The following TMEM70 variants were observed in gnomAD, a reference collection of about 807,000 sequenced individuals.
TMEM70 encodes transmembrane protein 70, mitochondrial.
TMEM70 carries 15 observed loss-of-function variants against 20.5 expected under a neutral mutation model. The observed-to-expected ratio is 0.73, with a 90% CI of 0.49 to 1.13. The LOEUF is 1.13. TMEM70 is among the 50% of genes most tolerant of loss of function. The pLI is 0.00. For missense variants in TMEM70, 344 were observed against 331.7 expected, an observed-to-expected ratio of 1.04 and a Z score of -0.29; for synonymous variants, 141 against 134.2, an observed-to-expected ratio of 1.05 and a Z score of -0.35.
chr8:73,976,536 G>A (rs1446683055), intron 1 of TMEM70, 45 bp downstream of exon 1: 13 of 1,465,980 alleles, frequency 8.9e-6, no homozygotes, highest in Non-Finnish European at 1.1e-5. Flanking sequence ...CGGGGAGGGC[G>A]GGCGTCGTGT....
rs1489519962 is a variant in TMEM70, at chr8:73,981,932, A to T, written c.*311A>T. On this transcript the variant is annotated 3_prime_UTR_variant, in exon 3 of 3. Transcript: ENST00000312184. The stretch of plus-strand genomic sequence containing the variant: ...CAGTAGCAAATGGGAGAGTTGCTTT[A>T]TTCTTTGTGTATGGATTTTTCTAAG... 1 of 513,128 alleles carries T rather than the reference A, an allele frequency of 1.9e-6. No homozygotes were observed. The highest frequency in any genetic ancestry group is 3.7e-6 in the Non-Finnish European group (1 of 266,742). The allele number at this position is 513,128 out of a possible 1,614,324, so 31.8% of individuals were successfully genotyped here.
intron 2 of TMEM70, among the ~76,000 whole-genome samples, chr8:73,980,055 GT>G (rs1393917748): frequency 6.6e-6 from 1 of 151,984 alleles, no homozygotes; most frequent in Non-Finnish European, 1.5e-5. Flanking sequence ...AAGGTAATAG[GT>G]AAAAATGGTA....
chr8:73,982,291 T>C lies in TMEM70; in HGVS notation c.*670T>C, dbSNP rs886063103. ...CAGTGAAAGGACCAGTTTGAATGCCTACCAAGACTTTGAGAATCACTACAA... is the reference window on the plus strand; with the variant it reads ...CAGTGAAAGGACCAGTTTGAATGCCCACCAAGACTTTGAGAATCACTACAA... On this transcript the variant is annotated 3_prime_UTR_variant, in exon 3 of 3. Transcript: ENST00000312184. The C allele has an allele frequency of 4.8e-6, 3 of 624,970 alleles. No individual in the cohort carries two copies. The highest frequency in any genetic ancestry group is 7.5e-5 in the East Asian group (2 of 26,518). 38.7% of individuals were successfully genotyped at this position (624,970 alleles called of 1,614,324 possible). A position where few individuals can be genotyped will look rare whatever the true frequency, so the allele number is the denominator to read the frequency against.
rs777102908 is a variant in TMEM70 at position 73,981,191 on chromosome 8, G to A, written c.353G>A (p.Gly118Asp). The change falls in exon 3 of 3, where the codon GGC becomes GAC. Residue 118 changes from glycine (G) to aspartate (D), a missense_variant. By Grantham distance (94) the Gly-to-Asp change is moderately conservative (BLOSUM62 -1). Coordinates refer to ENST00000312184, the MANE Select transcript of TMEM70 (RefSeq NM_017866.6). Reference protein sequence around the residue: ...KCFSYSTSLIGLTFLPYIFTQ... With the variant: ...KCFSYSTSLIDLTFLPYIFTQ... ...TTCTCTTATTCTACGAGTCTGATTG[G>A]CCTTACATTTCTGCCATACATTTTT... 1 of 1,613,872 alleles carries A rather than the reference G, an allele frequency of 6.2e-7. No homozygotes were observed.
At chr8:73,977,096 G>A (rs933233464) in intron 1 of TMEM70, among the ~76,000 whole-genome samples, 1 of 152,206 alleles carries the variant, frequency 6.6e-6, no homozygotes, top group Non-Finnish European at 1.5e-5. Flanking sequence ...TTTACATTTT[G>A]AAGTGTATAC....
chr8:73,981,064 A>G (rs1464069567), intron 2 of TMEM70, 91 bp from the exon 3 acceptor site: 3 of 1,067,300 alleles, frequency 2.8e-6, no homozygotes, highest in Non-Finnish European at 2.8e-6. Flanking sequence ...GAGCTGATAC[A>G]GTAAGAAGAA....
At chr8:73,980,290 T>C (rs952680076) in intron 2 of TMEM70, among the ~76,000 whole-genome samples, 1 of 152,202 alleles carries the variant, frequency 6.6e-6, no homozygotes, top group Non-Finnish European at 1.5e-5. Flanking sequence ...GATTTCGCCA[T>C]GCTGGCCAGG....
chr8:73,978,742 C>T lies in TMEM70; in HGVS notation c.211-14C>T, dbSNP rs751628718. 4 of 1,612,984 alleles carry T rather than the reference C, an allele frequency of 2.5e-6. No individual in the cohort carries two copies. The highest frequency in any genetic ancestry group is 3.4e-6 in the Non-Finnish European group (4 of 1,179,412). On this transcript the variant is annotated splice_polypyrimidine_tract_variant and intron_variant, in intron 1 of 2. Coordinates refer to ENST00000312184, the MANE Select transcript of TMEM70 (RefSeq NM_017866.6). ...AAGAAGGTTAGTTGACCATAATGAT[C>T]CCTGTTTCAATAGATCCCTGTTTAT...
intron 2 of TMEM70, among the ~76,000 whole-genome samples, chr8:73,980,363 C>A (rs1815761557): frequency 6.6e-6 from 1 of 151,508 alleles, no homozygotes; most frequent in East Asian, 1.9e-4. Flanking sequence ...ATACCTTTCC[C>A]ATATGTTTCT....
Position 73,978,768 on chromosome 8 carries a change from T to C in TMEM70, c.223T>C (p.Trp75Arg). Residue 75 changes from tryptophan to arginine, a missense_variant, in exon 2 of 3, where the codon TGG (tryptophan) becomes CGG (arginine). Coordinates refer to ENST00000312184, the MANE Select transcript of TMEM70 (RefSeq NM_017866.6). Reference sequence around the variant, plus strand: ...CCTGTTTCAATAGATCCCTGTTTATTGGGAAGGATATGTTCGATTCTTAAA... The same window carrying C: ...CCTGTTTCAATAGATCCCTGTTTATCGGGAAGGATATGTTCGATTCTTAAA... ...RPGRAQIPVYWEGYVRFLNTP... is the reference protein window; with the variant it reads ...RPGRAQIPVYREGYVRFLNTP... 6.2e-7 allele frequency: 1 copy of C among 1,613,936 alleles called. No individual in the cohort carries two copies. The highest frequency in any genetic ancestry group is 1.3e-5 in the African/African-American group (1 of 75,034).
At chr8:73,980,884 T>C (rs1026069269) in intron 2 of TMEM70, among the ~76,000 whole-genome samples, 3 of 152,278 alleles carry the variant, frequency 2.0e-5, no homozygotes, top group East Asian at 3.8e-4. Flanking sequence ...AACTACTTTA[T>C]TGTGGAACTG....
rs371128694 is a variant in TMEM70 at position 73,981,640 on chromosome 8, G to T, written c.*19G>T. 31 of 1,539,312 alleles carry T rather than the reference G, an allele frequency of 2.0e-5. 1 individual carries two copies. In the South Asian group the frequency reaches 2.7e-4, roughly 13 times the overall value. On this transcript the variant is annotated 3_prime_UTR_variant, in exon 3 of 3. Coordinates refer to ENST00000312184, the MANE Select transcript of TMEM70 (RefSeq NM_017866.6). ...CAAATGAGCCTATTTGTTAGTGTTC[G>T]TGCTCAAATGTGATTTACGTTTTAA...
chr8:73,980,248 C>T (rs12541279), intron 2 of TMEM70, among the ~76,000 whole-genome samples: 35,627 of 152,124 alleles, frequency 0.23, 4,992 homozygotes, highest in African/African-American at 0.37. Flanking sequence ...GCCACCAAGC[C>T]TGGCTAATTT....
intron 1 of TMEM70, 60 bp from the exon 2 acceptor site, chr8:73,978,692 CAAAA>C: frequency 7.6e-7 from 1 of 1,320,778 alleles, no homozygotes; most frequent in Non-Finnish European, 1.0e-6. Flanking sequence ...GACTCTGTCT[CAAAA>C]AAAAAAACTT....
intron 1 of TMEM70, among the ~76,000 whole-genome samples, chr8:73,976,962 A>G (rs1253451975): frequency 6.6e-6 from 1 of 152,230 alleles, no homozygotes; most frequent in Non-Finnish European, 1.5e-5. Context: ...ATCTGAATAA[A>G]TTGTCTTCTA....
chr8:73,977,947 A>G (rs1452958720), intron 1 of TMEM70, among the ~76,000 whole-genome samples: 1 of 152,162 alleles, frequency 6.6e-6, no homozygotes, highest in Admixed American at 6.5e-5. Context: ...TGCTAAGCTA[A>G]CAAACTCCAG....
intron 1 of TMEM70, among the ~76,000 whole-genome samples, chr8:73,977,688 G>T (rs1176171337): frequency 6.6e-6 from 1 of 152,064 alleles, no homozygotes; most frequent in Non-Finnish European, 1.5e-5. Context: ...TTATTTCTTA[G>T]AGATGGGGTC....
In TMEM70 at chr8:73,981,400, C is replaced by G. The variant is rs749752670; in HGVS notation, c.562C>G (p.Leu188Val). ...TAAAGCCATTACCTACAATGCTATGCTTGCAGAAACGAGTACAGTGTTTCA... is the reference window on the plus strand; with the variant it reads ...TAAAGCCATTACCTACAATGCTATGGTTGCAGAAACGAGTACAGTGTTTCA... ...TYKAITYNAM[L>V]AETSTVFHQN... The change falls in exon 3 of 3, where the codon CTT (leucine) becomes GTT (valine). Residue 188 changes from leucine (L) to valine (V), a missense_variant. By Grantham distance (32) the Leu-to-Val change is conservative. Transcript: ENST00000312184. The G allele has an allele frequency of 3.7e-6, 6 of 1,614,054 alleles. No homozygotes were observed. The Admixed American group carries it at 8.3e-5, about 22-fold the overall frequency.
At chr8:73,976,535 C>T (rs1356982095) in intron 1 of TMEM70, 44 bp downstream of exon 1, 2 of 1,464,334 alleles carry the variant, frequency 1.4e-6, no homozygotes, top group African/African-American at 1.4e-5. Context: ...GCGGGGAGGG[C>T]GGGCGTCGTG....
Sources: gnomAD v4.1 joint callset for allele counts (sites outside exome capture counted in the v4.1 genomes callset) on GRCh38, gnomAD v4.1.1 for gene constraint, MANE v1.5 for transcripts, NCBI Gene and HGNC (gene_info 2026-07-23, HGNC 2026-07-21) for gene names.